The following PKD1 variants were observed in gnomAD, a reference collection of about 807,000 sequenced individuals.
PKD1 encodes polycystin-1.
In PKD1, 81 loss-of-function variants were observed where a neutral mutation model predicts 361.7. The ratio of observed to expected loss-of-function variants is 0.22; its 90% CI spans 0.19 to 0.27. The LOEUF is 0.27. Among genes scored for constraint, PKD1 ranks in the 10% least tolerant of loss-of-function variants. The pLI is 1.00. For synonymous variants in PKD1, 3,615 were observed against 2,818.3 expected, an observed-to-expected ratio of 1.28 and a Z score of -8.95; for missense variants, 6,399 against 6,118.3, an observed-to-expected ratio of 1.05 and a Z score of -1.53.
intron 13 of PKD1, 78 bp downstream of exon 13, chr16:2,112,710 T>C: frequency 4.1e-6 from 6 of 1,467,526 alleles, no homozygotes; most frequent in East Asian, 2.3e-5. Context: ...AACCCCGTGA[T>C]GTGGGGGTCC....
Position 2,102,381 on chromosome 16 carries a change from A to C in PKD1, c.9201T>G (p.Pro3067=), listed in dbSNP as rs745579523. ...VPPSHVRFVF[P]EPTADVNYIV... is the part of the protein sequence containing the mutation. ...CTCCCAGGAGCACAGGGTCACTCACAGGAAACACAAAGCGGACATGGCTTG... is the reference window on the plus strand; with the variant it reads ...CTCCCAGGAGCACAGGGTCACTCACCGGAAACACAAAGCGGACATGGCTTG... Residue 3067 remains proline, a splice_region_variant and synonymous_variant, in exon 25 of 46, where the codon CCT becomes CCG. Transcript: ENST00000262304. The C allele has an allele frequency of 4.5e-6, 7 of 1,555,604 alleles. No individual in the cohort carries two copies. The highest frequency in any genetic ancestry group is 6.1e-6 in the Non-Finnish European group (7 of 1,150,614).
At position 2,135,617 on chromosome 16, in the gene PKD1, C is replaced by A. The variant is rs2092941472; in HGVS notation, c.73G>T (p.Gly25Cys). The A allele has an allele frequency of 1.0e-6, 1 of 977,174 alleles. No homozygotes were observed. The highest frequency in any genetic ancestry group is 1.2e-6 in the Non-Finnish European group (1 of 821,028). The allele number at this position is 977,174 out of a possible 1,614,324, so 60.5% of individuals were successfully genotyped here. A position where few individuals can be genotyped will look rare whatever the true frequency, so the allele number is the denominator to read the frequency against. The change falls in exon 1 of 46, where the codon GGC becomes TGC. Residue 25 changes from glycine (G) to cysteine (C), a missense_variant. Coordinates refer to ENST00000262304, the MANE Select transcript of PKD1 (RefSeq NM_001009944.3). ...CAGGGCCCGCAGCCGCGCCCGGGGC[C>A]CCCCGCCAGCGCCCCGAGCCACAGG... Reference protein sequence around the residue: ...LGLWLGALAGGPGRGCGPCEP... With the variant: ...LGLWLGALAGCPGRGCGPCEP...
intron 15 of PKD1, 83 bp from the exon 16 acceptor site, chr16:2,108,115 G>A: frequency 1.3e-6 from 2 of 1,529,934 alleles, no homozygotes; most frequent in East Asian, 2.3e-5. Context: ...GACAGCGCGG[G>A]AGACCCCCTC....
rs1326313009 is a variant in PKD1, at chr16:2,110,549, G to T, written c.4618C>A (p.Leu1540Ile). Residue 1540 changes from leucine to isoleucine, a missense_variant, in exon 15 of 46, where the codon CTC becomes ATC. Leu to Ile is a conservative substitution (Grantham distance 5). Transcript: ENST00000262304. ...ACGCGCCGCTTCACCGTCACATTGA[G>T]CCAGGCCTCGCTGCGGCTCACCTCA... is the stretch of plus-strand genomic sequence containing the variant. ...WNEVSRSEAW[L>I]NVTVKRRVRG... The T allele has an allele frequency of 6.2e-7, 1 of 1,611,480 alleles. No homozygotes were observed. Among genetic ancestry groups the T allele is most frequent in the Non-Finnish European group, 8.5e-7 (1 of 1,179,816 alleles).
At chr16:2,113,793 G>A (rs1041927068) in intron 11 of PKD1, 13 of 396,682 alleles carry the variant, frequency 3.3e-5, no homozygotes, top group Non-Finnish European at 6.1e-5. Flanking sequence ...TGGTGGCACC[G>A]CGGGCAGCCC....
chr16:2,098,495 GCCACCACA>G (rs1488576710), intron 30 of PKD1, among the ~76,000 whole-genome samples: 7 of 147,888 alleles, frequency 4.7e-5, no homozygotes, highest in African/African-American at 2.5e-5. Flanking sequence ...ACAGGTGTGA[GCCACCACA>G]CCCGGCCATC....
Position 2,105,476 on chromosome 16 carries a change from T to C in PKD1, c.7864-2A>G. On this transcript the variant is annotated splice_acceptor_variant, in intron 20 of 45. Coordinates refer to ENST00000262304, the MANE Select transcript of PKD1 (RefSeq NM_001009944.3). LOFTEE classifies it high-confidence loss of function. Reference sequence around the variant, plus strand: ...CGCCACGTCCAGGGCCCGCTCGTACTGGGGCAGGCAGGGGGCACAGCAAGC... The same window carrying C: ...CGCCACGTCCAGGGCCCGCTCGTACCGGGGCAGGCAGGGGGCACAGCAAGC... 1 of 1,594,946 alleles carries C rather than the reference T, an allele frequency of 6.3e-7. No individual in the cohort carries two copies. The highest frequency in any genetic ancestry group is 8.5e-7 in the Non-Finnish European group (1 of 1,178,874).
chr16:2,096,589 C>T (rs1259195582), intron 34 of PKD1, among the ~76,000 whole-genome samples: 1 of 152,106 alleles, frequency 6.6e-6, no homozygotes, highest in Non-Finnish European at 1.5e-5. Flanking sequence ...GATCTCGGCT[C>T]ACTACAACCT....
rs761055827 is a variant in PKD1, at chr16:2,099,768, G to A, written c.9926C>T (p.Thr3309Met). ...YGAVGDSAYSTGHVSRLSPLS... is the reference protein window; with the variant it reads ...YGAVGDSAYSMGHVSRLSPLS... ...CGGGCTCAGCCTGGACACATGCCCC[G>A]TGCTGTGTGGAGGAGAGGAGGCCAC... is the stretch of plus-strand genomic sequence containing the variant. Residue 3309 changes from threonine to methionine, a missense_variant and splice_region_variant, in exon 30 of 46, where the codon ACG becomes ATG. By Grantham distance (81) the Thr-to-Met change is moderately conservative (BLOSUM62 -1). Coordinates refer to ENST00000262304, the MANE Select transcript of PKD1 (RefSeq NM_001009944.3). The A allele has an allele frequency of 7.6e-5, 118 of 1,554,380 alleles. No individual in the cohort carries two copies. The highest frequency in any genetic ancestry group is 3.3e-4 in the African/African-American group (24 of 73,392).
chr16:2,107,618 G>T (rs1263492419), intron 16 of PKD1: 2 of 559,458 alleles, frequency 3.6e-6, no homozygotes, highest in Admixed American at 2.8e-5. Flanking sequence ...GGGGTGGGAA[G>T]GGGCTCTTCC....
rs2092896106 is a variant in PKD1 at position 2,132,441 on chromosome 16, G to T, written c.215+3034C>A. ...AAATTAGCTGGGCACGGTGGTGCAT[G>T]CCTGTAAACCCAGCTACCAGGTACT... On this transcript the variant is annotated intron_variant, in intron 1 of 45. Transcript: ENST00000262304. 3.3e-5 allele frequency among the ~76,000 whole-genome samples: 5 copies of T among 151,108 alleles called. No individual in the cohort carries two copies. In the South Asian group the frequency reaches 1.0e-3, roughly 31 times the overall value.
intron 13 of PKD1, 111 bp downstream of exon 13, chr16:2,112,677 G>A (rs2092546728): frequency 7.9e-7 from 1 of 1,260,904 alleles, no homozygotes; most frequent in Non-Finnish European, 1.1e-6. Flanking sequence ...CCAACAGACA[G>A]GGAAACCGAG....
Position 2,103,817 on chromosome 16 carries a change from A to T in PKD1, c.8240T>A (p.Met2747Lys). 6.2e-7 allele frequency: 1 copy of T among 1,608,706 alleles called. No homozygotes were observed. Among genetic ancestry groups the T allele is most frequent in the Non-Finnish European group, 8.5e-7 (1 of 1,179,244 alleles). The change falls in exon 23 of 46, where the codon ATG becomes AAG. Residue 2747 changes from methionine (M) to lysine (K), a missense_variant. By Grantham distance (95) the Met-to-Lys change is moderately conservative. Coordinates refer to ENST00000262304, the MANE Select transcript of PKD1 (RefSeq NM_001009944.3). ...CAGGTTGTAGGCCTGGGACGCCACC[A>T]TCCGAGATGGTGACTCGGCTCCCAG... ...SELGAESPSR[M>K]VASQAYNLTS...
chr16:2,129,222 C>T (rs2092837231), intron 1 of PKD1, among the ~76,000 whole-genome samples: 1 of 148,714 alleles, frequency 6.7e-6, no homozygotes, highest in African/African-American at 2.5e-5. Context: ...TGCAGTGGCA[C>T]CATCACAGCT....
chr16:2,116,255 G>T (rs367609178), intron 8 of PKD1, 137 bp from the exon 9 acceptor site: 1 of 936,922 alleles, frequency 1.1e-6, no homozygotes, highest in Non-Finnish European at 1.7e-6. Flanking sequence ...GGCTCCTGTC[G>T]CTCGAGAGGA....
In PKD1 at chr16:2,092,120, C is replaced by G; in HGVS notation, c.11338G>C (p.Asp3780His). ...CSAAGGFSTS[D>H]YDVGWESPHN... ...GGACTCTCCCAGCCAACGTCGTAAT[C>G]GCTGGTGCTGAAGCCTCCTGCGGCC... The change falls in exon 40 of 46, where the codon GAT becomes CAT. Residue 3780 changes from aspartate to histidine, a missense_variant. By Grantham distance (81) the Asp-to-His change is moderately conservative. Coordinates refer to ENST00000262304, the MANE Select transcript of PKD1 (RefSeq NM_001009944.3). The G allele has an allele frequency of 6.2e-7, 1 of 1,612,892 alleles. No individual in the cohort carries two copies.
rs772151360 is a variant in PKD1, at chr16:2,100,143, G to A, written c.9712+23C>T. On this transcript the variant is annotated intron_variant, in intron 28 of 45. Coordinates refer to ENST00000262304, the MANE Select transcript of PKD1 (RefSeq NM_001009944.3). This position sits in a 1 kb window ranked among gnomAD's most constrained non-coding sequence, Gnocchi z 4.4. Reference sequence around the variant, plus strand: ...CACCCTGCCCAACCTCCCACGGAGTGGGAACATGGAACGAGGCCTTACTCG... The same window carrying A: ...CACCCTGCCCAACCTCCCACGGAGTAGGAACATGGAACGAGGCCTTACTCG... 3.1e-6 allele frequency: 5 copies of A among 1,605,522 alleles called. No individual in the cohort carries two copies. Among genetic ancestry groups the A allele is most frequent in the Non-Finnish European group, 4.3e-6 (5 of 1,175,426 alleles).
rs151308544 is a variant in PKD1, at chr16:2,104,614, G to A, written c.8045C>T (p.Ser2682Leu). 144 of 1,584,882 alleles carry A rather than the reference G, an allele frequency of 9.1e-5. 1 individual carries two copies. The highest frequency in any genetic ancestry group is 1.4e-4 in the Admixed American group (8 of 58,920). Residue 2682 changes from serine to leucine, a missense_variant, in exon 22 of 46, where the codon TCG (serine) becomes TTG (leucine). Transcript: ENST00000262304. ...CTTGTGCAGCGTCTGCTTCAGGCAC[G>A]AGCGGCATACGAGCTCCCTGCTGGG... Reference protein sequence around the residue: ...MGPSRELVCRSCLKQTLHKLE... With the variant: ...MGPSRELVCRLCLKQTLHKLE...
intron 23 of PKD1, 126 bp from the exon 24 acceptor site, chr16:2,103,096 A>G (rs1227338030): frequency 1.5e-5 from 19 of 1,285,140 alleles, no homozygotes; most frequent in African/African-American, 3.0e-5. Context: ...TCTGCACCAG[A>G]GCTGGCACCT....
Sources: gnomAD v4.1 joint callset for allele counts (sites outside exome capture counted in the v4.1 genomes callset) on GRCh38, gnomAD v4.1.1 for gene constraint, Gnocchi (gnomAD v3.1) non-coding constraint, MANE v1.5 for transcripts, NCBI Gene and HGNC (gene_info 2026-07-23, HGNC 2026-07-21) for gene names.